The following BDP1 variants were observed in gnomAD, a reference collection of about 807,000 sequenced individuals.
BDP1 encodes transcription factor TFIIIB component B'' homolog.
Under a neutral mutation model 266.6 loss-of-function variants are expected in BDP1, and 169 were observed. The ratio of observed to expected loss-of-function variants is 0.63; its 90% CI spans 0.56 to 0.72. The LOEUF (loss-of-function observed/expected upper bound fraction) is 0.72. BDP1 is among the 30% of genes least tolerant of loss of function. The pLI is 0.00. For missense variants in BDP1, 3,015 were observed against 3,053.8 expected (o/e 0.99, Z 0.30); for synonymous variants, 1,090 against 1,022.4 (o/e 1.07, Z -1.26).
intron 29 of BDP1, 135 bp from the exon 30 acceptor site, chr5:71,541,970 G>A (rs573438220): frequency 2.7e-5 from 18 of 678,050 alleles, no homozygotes; most frequent in African/African-American, 1.8e-4. Flanking sequence ...TGTAATTTTA[G>A]TATTAAGAAA....
At chr5:71,476,675 G>T (rs1762606202) in intron 7 of BDP1, among the ~76,000 whole-genome samples, 1 of 152,036 alleles carries the variant, frequency 6.6e-6, no homozygotes, top group Non-Finnish European at 1.5e-5. Context: ...TGAGTAGCTT[G>T]GAATTACAGG....
At chr5:71,538,050 A>G (rs758539292) in intron 26 of BDP1, among the ~76,000 whole-genome samples, 6 of 152,170 alleles carry the variant, frequency 3.9e-5, no homozygotes, top group Non-Finnish European at 7.4e-5. Context: ...TCTTTCATTA[A>G]AGGGTGTTGG....
intron 26 of BDP1, among the ~76,000 whole-genome samples, chr5:71,537,406 G>A (rs779947131): frequency 6.6e-6 from 1 of 152,160 alleles, no homozygotes; most frequent in African/African-American, 2.4e-5. Context: ...ATGGGATGAG[G>A]TGGGATTTCC....
chr5:71,545,736 T>C (rs898071774), intron 32 of BDP1, among the ~76,000 whole-genome samples: 1 of 152,078 alleles, frequency 6.6e-6, no homozygotes, highest in African/African-American at 2.4e-5. Flanking sequence ...GAGAGAAGCC[T>C]TGGACTTGAA....
At chr5:71,534,945 A>G (rs922656379) in intron 26 of BDP1, among the ~76,000 whole-genome samples, 1 of 151,888 alleles carries the variant, frequency 6.6e-6, no homozygotes, top group Non-Finnish European at 1.5e-5. Flanking sequence ...CCGGCCTGGG[A>G]TTGTTTTCTT....
At chr5:71,463,121 A>AG (rs1761681310) in intron 3 of BDP1, among the ~76,000 whole-genome samples, 1 of 152,210 alleles carries the variant, frequency 6.6e-6, no homozygotes, top group Non-Finnish European at 1.5e-5. Flanking sequence ...ATTTAAAAAA[A>AG]AAATGTTTGA....
intron 34 of BDP1, among the ~76,000 whole-genome samples, chr5:71,551,094 GTTGT>G (rs1419380209): frequency 3.0e-5 from 3 of 100,204 alleles, no homozygotes; most frequent in Non-Finnish European, 6.3e-5. Flanking sequence ...TTATTTTTTA[GTTGT>G]TTATTTATTT....
intron 19 of BDP1, among the ~76,000 whole-genome samples, chr5:71,513,924 T>G (rs574763813): frequency 2.0e-5 from 3 of 151,668 alleles, no homozygotes; most frequent in African/African-American, 7.3e-5. Flanking sequence ...GGGGTTTCAC[T>G]ATGTTAGCCA....
chr5:71,494,997 CT>C, intron 11 of BDP1: 1 of 258,368 alleles, frequency 3.9e-6, no homozygotes, highest in Non-Finnish European at 7.1e-6. Context: ...CTTGTCCGGC[CT>C]TCATTTTGAA....
intron 28 of BDP1, among the ~76,000 whole-genome samples, chr5:71,540,436 T>G (rs1399215059): frequency 6.6e-6 from 1 of 152,164 alleles, no homozygotes; most frequent in Non-Finnish European, 1.5e-5. Context: ...CAAGCAATTC[T>G]CCTGCCTTAG....
At chr5:71,562,668 C>A in intron 38 of BDP1, 148 bp downstream of exon 38, 1 of 1,482,972 alleles carries the variant, frequency 6.7e-7, no homozygotes, top group Non-Finnish European at 9.1e-7. Context: ...CGTGTTCCTC[C>A]ATAATGGAAG....
Position 71,524,093 on chromosome 5 carries a change from C to T in BDP1, c.5542C>T (p.Arg1848Ter), listed in dbSNP as rs776904259. The change falls in exon 25 of 39, where the codon CGA becomes TGA. Residue 1848 changes from arginine to a stop codon, truncating the protein, a stop_gained. Coordinates refer to ENST00000358731, the MANE Select transcript of BDP1 (RefSeq NM_018429.3). LOFTEE classifies it high-confidence loss of function. ...TGTCACCAGAGGTCGTGGATCAAAA[C>T]GAGTTCGGGGTAAGACCTCTAAGAA... ...PNVTRGRGSK[R>*]VRGKTSKKEP... The T allele has an allele frequency of 1.1e-5, 17 of 1,614,030 alleles. No individual in the cohort carries two copies. Among genetic ancestry groups the T allele is most frequent in the South Asian group, 3.3e-5 (3 of 91,088 alleles).
chr5:71,471,505 A>C (rs963062376), intron 7 of BDP1, among the ~76,000 whole-genome samples: 2 of 152,174 alleles, frequency 1.3e-5, no homozygotes, highest in African/African-American at 2.4e-5. Flanking sequence ...TAAAGAGAAG[A>C]AATCTGAGTT....
intron 12 of BDP1, among the ~76,000 whole-genome samples, chr5:71,495,773 A>G (rs1050898791): frequency 6.6e-6 from 1 of 152,180 alleles, no homozygotes; most frequent in Non-Finnish European, 1.5e-5. Context: ...ATATTTTGAT[A>G]TTGGTGATTT....
chr5:71,498,515 C>G (rs796465563), intron 13 of BDP1, among the ~76,000 whole-genome samples: 2 of 151,868 alleles, frequency 1.3e-5, no homozygotes, highest in African/African-American at 2.4e-5. Flanking sequence ...CCTCTGCCTC[C>G]CAGGTTCAAG....
At chr5:71,458,054 T>C (rs1761306763) in intron 1 of BDP1, among the ~76,000 whole-genome samples, 1 of 152,204 alleles carries the variant, frequency 6.6e-6, no homozygotes, top group Admixed American at 6.5e-5. Context: ...GTTTGGCTAC[T>C]GTAACTAAAT....
intron 21 of BDP1, 60 bp downstream of exon 21, chr5:71,516,331 A>G: frequency 7.9e-7 from 1 of 1,264,382 alleles, no homozygotes; most frequent in South Asian, 1.3e-5. Flanking sequence ...GTCAAGTTAT[A>G]GCTCAGACAT....
intron 26 of BDP1, among the ~76,000 whole-genome samples, chr5:71,538,094 A>G (rs1400637790): frequency 6.6e-6 from 1 of 152,094 alleles, no homozygotes; most frequent in African/African-American, 2.4e-5. Flanking sequence ...ATTTATGGAG[A>G]TGATCATGTG....
At position 71,510,300 on chromosome 5, in the gene BDP1, G is replaced by A. The variant is rs780555307; in HGVS notation, c.3208G>A (p.Asp1070Asn). ...METDLKATGRDSFPRGKTPEV... is the reference protein window; with the variant it reads ...METDLKATGRNSFPRGKTPEV... ...GACGGATTTGAAAGCAACTGGAAGA[G>A]ACAGTTTCCCAAGGGGGAAGACACC... Residue 1070 changes from aspartate (D) to asparagine (N), a missense_variant, in exon 17 of 39, where the codon GAC (aspartate) becomes AAC (asparagine). This residue lies in a region of BDP1 where 2,383 missense variants were observed against 2,404.9 expected (regional missense o/e 0.99). Coordinates refer to ENST00000358731, the MANE Select transcript of BDP1 (RefSeq NM_018429.3). 3.1e-6 allele frequency: 5 copies of A among 1,613,818 alleles called. No individual in the cohort carries two copies. The highest frequency in any genetic ancestry group is 3.4e-6 in the Non-Finnish European group (4 of 1,179,958).
Sources: gnomAD v4.1 joint callset for allele counts (sites outside exome capture counted in the v4.1 genomes callset) on GRCh38, gnomAD v4.1.1 for gene constraint, gnomAD v4.1.1 regional missense constraint, MANE v1.5 for transcripts, NCBI Gene and HGNC (gene_info 2026-07-23, HGNC 2026-07-21) for gene names.